Variants in PIP4K2B observed in about 807,000 individuals in gnomAD.
The protein encoded by PIP4K2B is phosphatidylinositol 5-phosphate 4-kinase type-2 beta.
A neutral mutation model predicts 42.0 loss-of-function variants in PIP4K2B; 3 were observed. That is an observed-to-expected ratio of 0.07 (90% confidence interval 0.03 to 0.18). The LOEUF (loss-of-function observed/expected upper bound fraction) is 0.18, where lower values mean the gene tolerates loss of function less well. Among genes scored for constraint, PIP4K2B ranks in the 10% least tolerant of loss-of-function variants. PIP4K2B has a pLI of 1.00. For missense variants in PIP4K2B, 332 were observed against 562.3 expected, an observed-to-expected ratio of 0.59 and a Z score of 4.14; for synonymous variants, 204 against 210.1, an observed-to-expected ratio of 0.97 and a Z score of 0.25.
intron 3 of PIP4K2B, among the ~76,000 whole-genome samples, chr17:38,782,469 T>C (rs955366416): frequency 6.6e-6 from 1 of 152,188 alleles, no homozygotes; most frequent in African/African-American, 2.4e-5. Flanking sequence ...GGAGGGAATC[T>C]GTCTGAGCAA....
intron 7 of PIP4K2B, among the ~76,000 whole-genome samples, chr17:38,771,723 T>C (rs1292166079): frequency 6.6e-6 from 1 of 151,976 alleles, no homozygotes; most frequent in Non-Finnish European, 1.5e-5. Flanking sequence ...CCCATGACGG[T>C]TTGGGATCAA....
rs1187858994 is a variant in PIP4K2B at position 38,769,236 on chromosome 17, T to C, written c.*455A>G. 1.8e-5 allele frequency: 3 copies of C among 167,990 alleles called. No individual in the cohort carries two copies. The highest frequency in any genetic ancestry group is 2.6e-5 in the Non-Finnish European group (2 of 77,546). The allele number at this position is 167,990 out of a possible 1,614,324, so 10.4% of individuals were successfully genotyped here. ...ACCCTTGTGCTGGGTCTACCGGGTATCTCTTTAATTGAAGGGAACTGAGAG... is the reference window on the plus strand; with the variant it reads ...ACCCTTGTGCTGGGTCTACCGGGTACCTCTTTAATTGAAGGGAACTGAGAG... On this transcript the variant is annotated 3_prime_UTR_variant, in exon 10 of 10. Transcript: ENST00000619039.
chr17:38,778,267 A>C, intron 6 of PIP4K2B, 67 bp downstream of exon 6: 2 of 1,455,476 alleles, frequency 1.4e-6, no homozygotes, highest in Non-Finnish European at 1.9e-6. Flanking sequence ...GGCGAGGGAC[A>C]GGATGGCCGA....
chr17:38,770,582 G>A (rs1358326030), intron 8 of PIP4K2B, 43 bp from the exon 9 acceptor site: 2 of 1,085,996 alleles, frequency 1.8e-6, no homozygotes, highest in Admixed American at 1.7e-5. Flanking sequence ...GAGGGGGCAG[G>A]AGAAGGGCAG....
At chr17:38,794,515 A>G (rs1910519737) in intron 1 of PIP4K2B, among the ~76,000 whole-genome samples, 1 of 149,994 alleles carries the variant, frequency 6.7e-6, no homozygotes, top group Non-Finnish European at 1.5e-5. Context: ...AAAAAGAAGA[A>G]GAAGAAAGAA....
At chr17:38,783,848 GC>G (rs1314040190) in intron 3 of PIP4K2B, among the ~76,000 whole-genome samples, 3 of 152,164 alleles carry the variant, frequency 2.0e-5, no homozygotes, top group African/African-American at 7.2e-5. Context: ...TGACCTACCT[GC>G]CTTGGCCTCC....
intron 2 of PIP4K2B, 99 bp from the exon 3 acceptor site, chr17:38,784,438 G>C: frequency 1.4e-6 from 1 of 697,612 alleles, no homozygotes; most frequent in South Asian, 2.0e-5. Flanking sequence ...GTCTTGCTAT[G>C]TTGCCCAGAC....
intron 7 of PIP4K2B, among the ~76,000 whole-genome samples, chr17:38,775,371 C>T (rs1199848465): frequency 1.3e-5 from 2 of 152,158 alleles, no homozygotes; most frequent in African/African-American, 4.8e-5. Context: ...TCCCACCCAG[C>T]CTCCTGAATA....
In PIP4K2B at chr17:38,767,837, T is replaced by C. The variant is rs1908783469; in HGVS notation, c.*1854A>G. 6 of 152,244 alleles carry C rather than the reference T, an allele frequency of 3.9e-5. No homozygotes were observed. Among genetic ancestry groups the C allele is most frequent in the Admixed American group, 3.3e-4 (5 of 15,280 alleles). The allele number at this position is 152,244 out of a possible 1,614,324, so 9.4% of individuals were successfully genotyped here. On this transcript the variant is annotated 3_prime_UTR_variant, in exon 10 of 10. Transcript: ENST00000619039. ...AAATTTGTTTTCTCCATGAGCCAGTTGGTTTCAAGTTCCCTAAGTCATGTA... is the reference window on the plus strand; with the variant it reads ...AAATTTGTTTTCTCCATGAGCCAGTCGGTTTCAAGTTCCCTAAGTCATGTA...
In PIP4K2B at chr17:38,765,919, CTTAA is replaced by C. The variant is rs1908675449; in HGVS notation, c.*3768_*3771del. The C allele has an allele frequency of 6.6e-6, 1 of 152,650 alleles. No individual in the cohort carries two copies. Among genetic ancestry groups the C allele is most frequent in the African/African-American group, 2.4e-5 (1 of 41,440 alleles). The allele number at this position is 152,650 out of a possible 1,614,324, so 9.5% of individuals were successfully genotyped here. The stretch of plus-strand genomic sequence containing the variant: ...TGCTTCCCCAAAAGGTGGATATGAA[CTTAA>C]TTCACATTTTTTAATTTCAATGATC... On this transcript the variant is annotated 3_prime_UTR_variant, in exon 10 of 10. Transcript: ENST00000619039.
chr17:38,791,700 C>T (rs552744641), intron 1 of PIP4K2B, among the ~76,000 whole-genome samples: 79 of 150,526 alleles, frequency 5.2e-4, no homozygotes, highest in African/African-American at 1.8e-3. Flanking sequence ...TGAGCCACCG[C>T]GCCCAGCCAG....
At position 38,766,465 on chromosome 17, in the gene PIP4K2B, T is replaced by TC. The variant is rs1456171501; in HGVS notation, c.*3225dup. The TC allele has an allele frequency of 6.6e-6, 1 of 152,666 alleles. No individual in the cohort carries two copies. The highest frequency in any genetic ancestry group is 6.5e-5 in the Admixed American group (1 of 15,280). The allele number at this position is 152,666 out of a possible 1,614,324, so 9.5% of individuals were successfully genotyped here. A position where few individuals can be genotyped will look rare whatever the true frequency, so the allele number is the denominator to read the frequency against. Reference sequence around the variant, plus strand: ...AAAAGTCCTGGGTCTTTGGTCCACCTCCCCAAGGTATGCCCTGGCAGACCA... The same window carrying TC: ...AAAAGTCCTGGGTCTTTGGTCCACCTCCCCCAAGGTATGCCCTGGCAGACCA... On this transcript the variant is annotated 3_prime_UTR_variant, in exon 10 of 10. Transcript: ENST00000619039.
rs1908811994 is a variant in PIP4K2B at position 38,768,288 on chromosome 17, G to A, written c.*1403C>T. On this transcript the variant is annotated 3_prime_UTR_variant, in exon 10 of 10. Transcript: ENST00000619039. ...CCTGGCCAGAGCAGCCTGTGGCTCA[G>A]TTCTGAGGGCCTGGGTGGCAGGCTC... The A allele has an allele frequency of 6.6e-6, 1 of 152,388 alleles. No individual in the cohort carries two copies. Among genetic ancestry groups the A allele is most frequent in the Non-Finnish European group, 1.5e-5 (1 of 68,068 alleles). 9.4% of individuals were successfully genotyped at this position (152,388 alleles called of 1,614,324 possible).
At chr17:38,790,562 G>A (rs974822630) in intron 1 of PIP4K2B, among the ~76,000 whole-genome samples, 2 of 152,190 alleles carry the variant, frequency 1.3e-5, no homozygotes, top group Non-Finnish European at 1.5e-5. Flanking sequence ...GGGTTCAAGC[G>A]ATTCTCCTGC....
In PIP4K2B at chr17:38,799,108, C is replaced by A. The variant is rs1156343992; in HGVS notation, c.159+158G>T. The stretch of plus-strand genomic sequence containing the variant: ...TCGCGTGGCGTGCGGGGAGTGCACA[C>A]GGGGCCGAAAGGCGTGCAAGGGTGG... On this transcript the variant is annotated intron_variant, in intron 1 of 9. Coordinates refer to ENST00000619039, the MANE Select transcript of PIP4K2B (RefSeq NM_003559.5). This position sits in a 1 kb window ranked among gnomAD's most constrained non-coding sequence, Gnocchi z 4.4. Among the ~76,000 whole-genome samples, 1 of 151,588 alleles carries A rather than the reference C, an allele frequency of 6.6e-6. No homozygotes were observed. Among genetic ancestry groups the A allele is most frequent in the African/African-American group, 2.4e-5 (1 of 41,194 alleles).
chr17:38,770,131 CG>C (rs1281902021), intron 9 of PIP4K2B, among the ~76,000 whole-genome samples: 2 of 152,162 alleles, frequency 1.3e-5, no homozygotes, highest in Non-Finnish European at 2.9e-5. Flanking sequence ...AGCTATTACT[CG>C]CCCTTCAACA....
intron 1 of PIP4K2B, among the ~76,000 whole-genome samples, chr17:38,791,268 T>G (rs1005756617): frequency 6.6e-6 from 1 of 152,062 alleles, no homozygotes; most frequent in Non-Finnish European, 1.5e-5. Context: ...CAAGAGCACT[T>G]GACATTAGGA....
In PIP4K2B at chr17:38,799,037, G is replaced by A. The variant is rs1457268830; in HGVS notation, c.159+229C>T. ...CCACACGCAGGAAGCCAGAAGGGCTGGAGGGAAGGGGAGGTGGCGACGGCA... is the reference window on the plus strand; with the variant it reads ...CCACACGCAGGAAGCCAGAAGGGCTAGAGGGAAGGGGAGGTGGCGACGGCA... On this transcript the variant is annotated intron_variant, in intron 1 of 9. Coordinates refer to ENST00000619039, the MANE Select transcript of PIP4K2B (RefSeq NM_003559.5). This position sits in a 1 kb window ranked among gnomAD's most constrained non-coding sequence, Gnocchi z 4.4. Among the ~76,000 whole-genome samples, 1 of 152,238 alleles carries A rather than the reference G, an allele frequency of 6.6e-6. No individual in the cohort carries two copies. Among genetic ancestry groups the A allele is most frequent in the Non-Finnish European group, 1.5e-5 (1 of 68,038 alleles).
In PIP4K2B at chr17:38,766,722, G is replaced by C. The variant is rs1041473778; in HGVS notation, c.*2969C>G. The C allele has an allele frequency of 1.3e-5, 2 of 152,818 alleles. No homozygotes were observed. The allele number at this position is 152,818 out of a possible 1,614,324, so 9.5% of individuals were successfully genotyped here. ...GCTAAAGAAGGAGAGGTGGAGCACTGCTTCAGTCTGCGCCCCTCAGCTGTG... is the reference window on the plus strand; with the variant it reads ...GCTAAAGAAGGAGAGGTGGAGCACTCCTTCAGTCTGCGCCCCTCAGCTGTG... On this transcript the variant is annotated 3_prime_UTR_variant, in exon 10 of 10. Coordinates refer to ENST00000619039, the MANE Select transcript of PIP4K2B (RefSeq NM_003559.5).
Sources: allele counts gnomAD v4.1 joint callset (sites outside exome capture counted in the v4.1 genomes callset), GRCh38; gene constraint gnomAD v4.1.1; non-coding constraint Gnocchi (gnomAD v3.1); transcripts MANE v1.5; gene names NCBI Gene and HGNC (gene_info 2026-07-23, HGNC 2026-07-21).